UBE2W: variants seen among roughly 807,000 people sequenced by gnomAD.
The protein encoded by UBE2W is ubiquitin conjugating enzyme E2 W, also known as ubiquitin-conjugating enzyme E2 W.
UBE2W carries 18 observed loss-of-function variants against 27.2 expected under a neutral mutation model. The observed-to-expected ratio is 0.66, with a 90% CI of 0.46 to 0.98. The LOEUF (loss-of-function observed/expected upper bound fraction) is 0.98. Ranked by LOEUF, UBE2W falls within the 50% of genes least tolerant of loss-of-function variation. The pLI is 0.00. For missense variants in UBE2W, 90 were observed against 180.2 expected (o/e 0.50, Z 2.87); for synonymous variants, 53 against 57.2 (o/e 0.93, Z 0.33).
At chr8:73,838,848 A>C (rs1158183091) in intron 1 of UBE2W, among the ~76,000 whole-genome samples, 1 of 152,294 alleles carries the variant, frequency 6.6e-6, no homozygotes. Flanking sequence ...AACCTTTGTA[A>C]CATCACTTCA....
chr8:73,863,241 T>G (rs1427768792), intron 1 of UBE2W, among the ~76,000 whole-genome samples: 4 of 145,382 alleles, frequency 2.8e-5, no homozygotes, highest in Admixed American at 1.3e-4. Flanking sequence ...TGGAATACTA[T>G]GCAGCCATAA....
In UBE2W at chr8:73,865,977, C is replaced by T. The variant is rs78031880; in HGVS notation, c.15+12831G>A. 1.2e-3 allele frequency among the ~76,000 whole-genome samples: 185 copies of T among 152,094 alleles called. No individual in the cohort carries two copies. In the East Asian group the frequency reaches 0.02, roughly 16 times the overall value. ...ATTACAATAAAGGCTTATAGGTGAACACAAACATATTCTCAGCAGACCAGG... is the reference window on the plus strand; with the variant it reads ...ATTACAATAAAGGCTTATAGGTGAATACAAACATATTCTCAGCAGACCAGG... On this transcript the variant is annotated intron_variant, in intron 1 of 5. Transcript: ENST00000602593.
At chr8:73,836,517 C>T (rs887032741) in intron 1 of UBE2W, among the ~76,000 whole-genome samples, 3 of 152,164 alleles carry the variant, frequency 2.0e-5, no homozygotes, top group Non-Finnish European at 2.9e-5. Flanking sequence ...CAGGAAAAAT[C>T]CTGAAGTCGT....
At position 73,790,660 on chromosome 8, in the gene UBE2W, C is replaced by A; in HGVS notation, c.*3442G>T. 2.0e-6 allele frequency: 2 copies of A among 983,052 alleles called. No individual in the cohort carries two copies. Among genetic ancestry groups the A allele is most frequent in the Non-Finnish European group, 2.4e-6 (2 of 827,826 alleles). 60.9% of individuals were successfully genotyped at this position (983,052 alleles called of 1,614,324 possible). A position where few individuals can be genotyped will look rare whatever the true frequency, so the allele number is the denominator to read the frequency against. ...AAAAAAATTTTTGTAACACACAGTA[C>A]CTCCTCTTCTCTTCTATTTTTAGGA... On this transcript the variant is annotated 3_prime_UTR_variant, in exon 6 of 6. Coordinates refer to ENST00000602593, the MANE Select transcript of UBE2W (RefSeq NM_018299.6).
At chr8:73,863,091 T>C (rs1440306344) in intron 1 of UBE2W, among the ~76,000 whole-genome samples, 1 of 132,920 alleles carries the variant, frequency 7.5e-6, no homozygotes, top group East Asian at 2.1e-4. Flanking sequence ...TATACCCAAA[T>C]GACTATAAAT....
At chr8:73,868,017 T>C (rs1053788030) in intron 1 of UBE2W, among the ~76,000 whole-genome samples, 2 of 152,194 alleles carry the variant, frequency 1.3e-5, no homozygotes, top group Admixed American at 1.3e-4. Flanking sequence ...ACAAGAAATA[T>C]ATATCTTCAT....
At chr8:73,833,481 G>A (rs1046327784) in intron 1 of UBE2W, among the ~76,000 whole-genome samples, 4 of 152,022 alleles carry the variant, frequency 2.6e-5, no homozygotes, top group African/African-American at 9.6e-5. Context: ...GTTTATAGTA[G>A]AACATCAGAA....
At chr8:73,835,036 A>C (rs1444091590) in intron 1 of UBE2W, among the ~76,000 whole-genome samples, 2 of 152,190 alleles carry the variant, frequency 1.3e-5, no homozygotes, top group Non-Finnish European at 2.9e-5. Context: ...CTGCTGCAGA[A>C]ATCTTCCAGA....
At chr8:73,813,482 C>A (rs1465404563) in intron 3 of UBE2W, among the ~76,000 whole-genome samples, 2 of 152,176 alleles carry the variant, frequency 1.3e-5, no homozygotes, top group East Asian at 1.9e-4. Flanking sequence ...AATAAAACAG[C>A]AGGGGCTTTT....
At chr8:73,874,232 C>T (rs1374333335) in intron 1 of UBE2W, among the ~76,000 whole-genome samples, 1 of 151,816 alleles carries the variant, frequency 6.6e-6, no homozygotes, top group East Asian at 1.9e-4. Flanking sequence ...GAGATGGAGA[C>T]CATCCTGGCT....
At position 73,842,528 on chromosome 8, in the gene UBE2W, C is replaced by CAAAAAAAAAA. The variant is rs759063478; in HGVS notation, c.16-12066_16-12057dup. ...TGGGCGACAGAGGGAGACTCCGTCT[C>CAAAAAAAAAA]AAAAAAAAAAAAAAAAAAAAAAAAA... is the stretch of plus-strand genomic sequence containing the variant. On this transcript the variant is annotated intron_variant, in intron 1 of 5. Coordinates refer to ENST00000602593, the MANE Select transcript of UBE2W (RefSeq NM_018299.6). Among the ~76,000 whole-genome samples, 3 of 9,676 alleles carry CAAAAAAAAAA rather than the reference C, an allele frequency of 3.1e-4. 1 individual carries two copies. The highest frequency in any genetic ancestry group is 8.4e-4 in the African/African-American group (3 of 3,562). 6.3% of individuals were successfully genotyped at this position (9,676 alleles called of 152,430 possible).
chr8:73,857,390 CTT>C lies in UBE2W; in HGVS notation c.15+21416_15+21417del, dbSNP rs1254268613. On this transcript the variant is annotated intron_variant, in intron 1 of 5. Transcript: ENST00000602593. ...GAACTGACCAAAATAAAAATACCAACTTTTTTCACTACAATAGTTTCAATGTA... is the reference window on the plus strand; with the variant it reads ...GAACTGACCAAAATAAAAATACCAACTTTTCACTACAATAGTTTCAATGTA... Among the ~76,000 whole-genome samples, 3 of 152,252 alleles carry C rather than the reference CTT, an allele frequency of 2.0e-5. No homozygotes were observed. In the East Asian group the frequency reaches 5.8e-4, roughly 29 times the overall value.
chr8:73,829,531 C>T (rs73689070), intron 2 of UBE2W, among the ~76,000 whole-genome samples: 5 of 150,854 alleles, frequency 3.3e-5, no homozygotes, highest in African/African-American at 1.2e-4. Context: ...TAGAACTCAA[C>T]AATATTTTTA....
intron 3 of UBE2W, among the ~76,000 whole-genome samples, chr8:73,816,326 G>A (rs1168185525): frequency 2.0e-5 from 3 of 152,124 alleles, no homozygotes; most frequent in Admixed American, 2.0e-4. Context: ...TTCTTGTCAG[G>A]TGTCCAAGAC....
intron 1 of UBE2W, among the ~76,000 whole-genome samples, chr8:73,869,507 A>G (rs1811911697): frequency 6.6e-6 from 1 of 152,226 alleles, no homozygotes; most frequent in Non-Finnish European, 1.5e-5. Context: ...ATTGGCCAAC[A>G]TGGTGAAACC....
At chr8:73,819,317 T>G (rs1283904895) in intron 3 of UBE2W, among the ~76,000 whole-genome samples, 1 of 152,230 alleles carries the variant, frequency 6.6e-6, no homozygotes, top group East Asian at 1.9e-4. Flanking sequence ...GCAGGGTTTT[T>G]GTTGCTGTTG....
At chr8:73,833,717 A>G (rs953070183) in intron 1 of UBE2W, 5 of 142,338 alleles carry the variant, frequency 3.5e-5, no homozygotes, top group African/African-American at 1.5e-4. Context: ...CCAAATAACT[A>G]ATGTTATTAA....
At chr8:73,833,027 C>T (rs1263394540) in intron 1 of UBE2W, among the ~76,000 whole-genome samples, 9 of 151,658 alleles carry the variant, frequency 5.9e-5, no homozygotes, top group African/African-American at 2.2e-4. Flanking sequence ...ACTAAAAATA[C>T]TAAAAAAATT....
Position 73,788,550 on chromosome 8 carries a change from C to T in UBE2W, c.*5552G>A. On this transcript the variant is annotated 3_prime_UTR_variant, in exon 6 of 6. Transcript: ENST00000602593. Reference sequence around the variant, plus strand: ...ATCTGTGGTTAACTATGAAAAGATGCATTTTCATGGTATCTGACACAATTT... The same window carrying T: ...ATCTGTGGTTAACTATGAAAAGATGTATTTTCATGGTATCTGACACAATTT... The T allele has an allele frequency of 1.0e-6, 1 of 985,376 alleles. No individual in the cohort carries two copies. The highest frequency in any genetic ancestry group is 1.2e-6 in the Non-Finnish European group (1 of 829,902). 61.0% of individuals were successfully genotyped at this position (985,376 alleles called of 1,614,324 possible).
Sources: gnomAD v4.1 joint callset for allele counts (sites outside exome capture counted in the v4.1 genomes callset) on GRCh38, gnomAD v4.1.1 for gene constraint, MANE v1.5 for transcripts, NCBI Gene and HGNC (gene_info 2026-07-23, HGNC 2026-07-21) for gene names.